Variants in CHMP5 observed in about 807,000 individuals in gnomAD.
CHMP5 encodes the protein SNF7 domain containing 2.
CHMP5 carries 17 observed loss-of-function variants against 33.0 expected under a neutral mutation model. That is an observed-to-expected ratio of 0.52 (90% CI 0.35 to 0.77). The LOEUF is 0.77. CHMP5 is among the 30% of genes least tolerant of loss of function. The probability of loss-of-function intolerance (pLI) is 0.01; values close to 1 mark genes in which losing one functional copy is unlikely to be tolerated. For synonymous variants in CHMP5, 76 were observed against 90.2 expected, an observed-to-expected ratio of 0.84 and a Z score of 0.89; for missense variants, 216 against 261.5, an observed-to-expected ratio of 0.83 and a Z score of 1.20.
At chr9:33,269,420 C>T (rs1379557126) in intron 3 of CHMP5, among the ~76,000 whole-genome samples, 2 of 152,168 alleles carry the variant, frequency 1.3e-5, no homozygotes, top group Non-Finnish European at 2.9e-5. Flanking sequence ...AGGAGAATCG[C>T]TTGAACCCAG....
Position 33,280,929 on chromosome 9 carries a change from A to T in CHMP5, c.*70A>T. ...GGGACTAGGAAATATTTATCTTTCC[A>T]AATTTGCCATAACAGATTTAGGTTT... On this transcript the variant is annotated 3_prime_UTR_variant, in exon 8 of 8. Coordinates refer to ENST00000223500, the MANE Select transcript of CHMP5 (RefSeq NM_016410.6). 1 of 1,324,302 alleles carries T rather than the reference A, an allele frequency of 7.6e-7. No homozygotes were observed. The highest frequency in any genetic ancestry group is 1.0e-6 in the Non-Finnish European group (1 of 953,286). 82.0% of individuals were successfully genotyped at this position (1,324,302 alleles called of 1,614,324 possible).
chr9:33,269,600 C>G (rs1051304363), intron 3 of CHMP5, among the ~76,000 whole-genome samples: 2 of 152,086 alleles, frequency 1.3e-5, no homozygotes, highest in Non-Finnish European at 2.9e-5. Context: ...GTATGAAGAG[C>G]CTTAAAAATA....
At chr9:33,270,802 C>A in intron 4 of CHMP5, 86 bp downstream of exon 4, 1 of 1,155,054 alleles carries the variant, frequency 8.7e-7, no homozygotes, top group Non-Finnish European at 1.3e-6. Context: ...GTTTAACCAG[C>A]CAGGCACAGT....
intron 5 of CHMP5, among the ~76,000 whole-genome samples, chr9:33,274,250 T>C (rs1313441852): frequency 8.5e-5 from 13 of 152,136 alleles, no homozygotes; most frequent in Non-Finnish European, 4.4e-5. Flanking sequence ...TTTTTGTATT[T>C]TTTTGTGGAG....
intron 2 of CHMP5, among the ~76,000 whole-genome samples, chr9:33,266,757 A>G (rs1035686110): frequency 1.4e-4 from 22 of 152,188 alleles, no homozygotes; most frequent in Admixed American, 3.3e-4. Flanking sequence ...TGGTCAGGTT[A>G]GGTTGGTATA....
At position 33,270,726 on chromosome 9, in the gene CHMP5, A is replaced by C. The variant is rs1162703421; in HGVS notation, c.315+10A>C. The C allele has an allele frequency of 1.9e-6, 3 of 1,578,886 alleles. No homozygotes were observed. In the South Asian group the frequency reaches 3.3e-5, roughly 18 times the overall value. On this transcript the variant is annotated intron_variant, in intron 4 of 7. Transcript: ENST00000223500. ...GGACACCAAGACCACGGTACTCCCA[A>C]AACACCTTTTCCTGTTATTTCATGT...
chr9:33,277,837 AT>A (rs532476075), intron 6 of CHMP5: 16 of 281,576 alleles, frequency 5.7e-5, no homozygotes, highest in East Asian at 1.9e-4. Context: ...AGAACCTTTC[AT>A]TTTTTTTCCA....
At chr9:33,274,751 G>A (rs537621944) in intron 5 of CHMP5, among the ~76,000 whole-genome samples, 1 of 152,242 alleles carries the variant, frequency 6.6e-6, no homozygotes, top group East Asian at 1.9e-4. Context: ...GGGTAGCTGG[G>A]ATTACAGGCG....
rs891731449 is a variant in CHMP5 at position 33,276,518 on chromosome 9, T to G, written c.450T>G (p.Ser150Arg). The change falls in exon 6 of 8, where the codon AGT (serine) becomes AGG (arginine). Residue 150 changes from serine (S) to arginine (R), a missense_variant. Transcript: ENST00000223500. ...CAAATGAAATCCAAGAAGCACTGAG[T>G]CGCAGTTATGGCACCCCAGAACTGG... ...EDANEIQEAL[S>R]RSYGTPELDE... The G allele has an allele frequency of 9.9e-6, 16 of 1,611,582 alleles. No individual in the cohort carries two copies. The highest frequency in any genetic ancestry group is 1.3e-5 in the African/African-American group (1 of 74,824).
At chr9:33,265,930 G>A in intron 1 of CHMP5, 80 bp from the exon 2 acceptor site, 2 of 863,320 alleles carry the variant, frequency 2.3e-6, no homozygotes, top group Non-Finnish European at 3.8e-6. Context: ...TTCTTCCTCT[G>A]TATTCCTTCC....
At chr9:33,270,201 A>G (rs1418573805) in intron 3 of CHMP5, among the ~76,000 whole-genome samples, 2 of 152,218 alleles carry the variant, frequency 1.3e-5, no homozygotes, top group East Asian at 1.9e-4. Flanking sequence ...TTGTGTTACA[A>G]TTGGCTACAA....
At chr9:33,265,197 A>AACCC in intron 1 of CHMP5, 50 bp downstream of exon 1, 1 of 1,472,436 alleles carries the variant, frequency 6.8e-7, no homozygotes, top group Non-Finnish European at 9.2e-7. Flanking sequence ...GACACACCCG[A>AACCC]CCCCGCCCAC....
At chr9:33,275,761 G>T (rs947442350) in intron 5 of CHMP5, among the ~76,000 whole-genome samples, 10 of 152,146 alleles carry the variant, frequency 6.6e-5, no homozygotes, top group African/African-American at 2.4e-4. Context: ...TATAATCCCA[G>T]CACTTTGGGA....
At chr9:33,267,751 A>G (rs1454328395) in intron 2 of CHMP5, 102 bp from the exon 3 acceptor site, 2 of 741,854 alleles carry the variant, frequency 2.7e-6, no homozygotes, top group East Asian at 5.3e-5. Context: ...ACTACTTTGA[A>G]GAAGAGAGGA....
intron 7 of CHMP5, among the ~76,000 whole-genome samples, chr9:33,280,057 A>C (rs1820903602): frequency 6.6e-6 from 1 of 151,890 alleles, no homozygotes; most frequent in Admixed American, 6.6e-5. Flanking sequence ...AGCTCACTGC[A>C]ACCTCCACCC....
intron 2 of CHMP5, among the ~76,000 whole-genome samples, chr9:33,266,948 C>G (rs535851138): frequency 7.9e-5 from 12 of 152,236 alleles, no homozygotes; most frequent in African/African-American, 2.9e-4. Flanking sequence ...ATAGAACTAC[C>G]TTGTTTTTTC....
chr9:33,281,011 G>T lies in CHMP5; in HGVS notation c.*152G>T. On this transcript the variant is annotated 3_prime_UTR_variant, in exon 8 of 8. Coordinates refer to ENST00000223500, the MANE Select transcript of CHMP5 (RefSeq NM_016410.6). The stretch of plus-strand genomic sequence containing the variant: ...ATTGCTCTTTTATTTTTTCCATTAA[G>T]AGACTCATTGCTTGGGAAATGCTTT... 1 of 494,850 alleles carries T rather than the reference G, an allele frequency of 2.0e-6. No individual in the cohort carries two copies. The highest frequency in any genetic ancestry group is 3.5e-6 in the Non-Finnish European group (1 of 285,984). The allele number at this position is 494,850 out of a possible 1,614,324, so 30.7% of individuals were successfully genotyped here.
At chr9:33,272,146 C>T (rs1408431098) in intron 5 of CHMP5, among the ~76,000 whole-genome samples, 2 of 151,948 alleles carry the variant, frequency 1.3e-5, no homozygotes, top group East Asian at 3.9e-4. Flanking sequence ...GATGAACAGC[C>T]CAGGTGGCAA....
intron 5 of CHMP5, among the ~76,000 whole-genome samples, chr9:33,274,405 AT>A (rs1345265127): frequency 1.3e-5 from 2 of 152,162 alleles, no homozygotes; most frequent in Non-Finnish European, 2.9e-5. Flanking sequence ...TGCTTTAGAA[AT>A]TCTGAAGGAT....
Sources: allele counts gnomAD v4.1 joint callset (sites outside exome capture counted in the v4.1 genomes callset), GRCh38; gene constraint gnomAD v4.1.1; transcripts MANE v1.5; gene names NCBI Gene and HGNC (gene_info 2026-07-23, HGNC 2026-07-21).